NCAPG: variants seen among roughly 807,000 people sequenced by gnomAD.
NCAPG encodes non-SMC condensin I complex subunit G.
In NCAPG, 69 loss-of-function variants were observed where a neutral mutation model predicts 113.1. The observed-to-expected ratio is 0.61, with a 90% CI of 0.50 to 0.75. The LOEUF is 0.75. NCAPG is among the 30% of genes least tolerant of loss of function. The probability of loss-of-function intolerance (pLI) is 0.00; values close to 1 mark genes in which losing one functional copy is unlikely to be tolerated. For synonymous variants in NCAPG, 370 were observed against 415.8 expected (o/e 0.89, Z 1.34); for missense variants, 1,058 against 1,177.0 (o/e 0.90, Z 1.48).
In NCAPG at chr4:17,837,331, A is replaced by G; in HGVS notation, c.2282A>G (p.Tyr761Cys). The G allele has an allele frequency of 6.2e-7, 1 of 1,613,084 alleles. No homozygotes were observed. Among genetic ancestry groups the G allele is most frequent in the Non-Finnish European group, 8.5e-7 (1 of 1,179,560 alleles). The change falls in exon 15 of 21, where the codon TAT (tyrosine) becomes TGT (cysteine). Residue 761 changes from tyrosine to cysteine, a missense_variant. By Grantham distance (194) the Tyr-to-Cys change is radical (BLOSUM62 -2). Coordinates refer to ENST00000251496, the MANE Select transcript of NCAPG (RefSeq NM_022346.5). ...GGCGTGTTCTTCCCCGTGTTTGCTT[A>G]TGCAAGCAGGTATTGAGTCATACTG... ...CLGVFFPVFA[Y>C]ASRTNQECFE...
At chr4:17,842,752 G>A (rs114832458) in intron 20 of NCAPG, 1 of 178,318 alleles carries the variant, frequency 5.6e-6, no homozygotes, top group South Asian at 1.3e-4. Flanking sequence ...ATATTGTGTG[G>A]TAGAGTGTTT....
chr4:17,836,771 T>A (rs760718820), intron 14 of NCAPG, among the ~76,000 whole-genome samples: 1 of 152,210 alleles, frequency 6.6e-6, no homozygotes, highest in Non-Finnish European at 1.5e-5. Flanking sequence ...CTCCTACATA[T>A]GGAGCTTTTG....
chr4:17,817,830 G>T, intron 6 of NCAPG, 109 bp from the exon 7 acceptor site: 14 of 1,074,834 alleles, frequency 1.3e-5, no homozygotes, highest in Non-Finnish European at 1.7e-5. Flanking sequence ...TAATTAAAAG[G>T]ATAGTGTAGT....
intron 1 of NCAPG, 144 bp from the exon 2 acceptor site, chr4:17,812,077 G>A (rs1192870348): frequency 3.1e-6 from 2 of 644,346 alleles, no homozygotes; most frequent in Non-Finnish European, 5.2e-6. Flanking sequence ...CCCTTTGGCT[G>A]GTTTGGATAA....
chr4:17,840,512 T>C, intron 18 of NCAPG, 95 bp from the exon 19 acceptor site: 1 of 735,284 alleles, frequency 1.4e-6, no homozygotes, highest in Non-Finnish European at 2.0e-6. Context: ...AAGGACTTTG[T>C]CATTTCAGTT....
rs1336087366 is a variant in NCAPG at position 17,817,098 on chromosome 4, C to T, written c.776-163C>T. On this transcript the variant is annotated intron_variant, in intron 5 of 20. Coordinates refer to ENST00000251496, the MANE Select transcript of NCAPG (RefSeq NM_022346.5). ...ACTGCACTCCAGCCTGGTGACAGAG[C>T]GAGACTCTGTCTCAAAAAATATATA... 14 of 538,452 alleles carry T rather than the reference C, an allele frequency of 2.6e-5. No individual in the cohort carries two copies. The South Asian group carries it at 2.8e-4, about 11-fold the overall frequency. The allele number at this position is 538,452 out of a possible 1,614,324, so 33.4% of individuals were successfully genotyped here.
At chr4:17,825,078 A>G in intron 10 of NCAPG, 21 bp downstream of exon 10, 1 of 1,573,636 alleles carries the variant, frequency 6.4e-7, no homozygotes, top group South Asian at 1.1e-5. Flanking sequence ...TTTAAATGAA[A>G]GAAGTGCTTG....
In NCAPG at chr4:17,843,533, A is replaced by AT; in HGVS notation, c.*112dup. 2 of 1,294,974 alleles carry AT rather than the reference A, an allele frequency of 1.5e-6. No individual in the cohort carries two copies. 80.2% of individuals were successfully genotyped at this position (1,294,974 alleles called of 1,614,324 possible). A position where few individuals can be genotyped will look rare whatever the true frequency, so the allele number is the denominator to read the frequency against. ...GAACAAACCTGATGTCTTTCTGAAG[A>AT]TTTTCTGCTGTGCGCTTCCACGTTA... On this transcript the variant is annotated 3_prime_UTR_variant, in exon 21 of 21. Transcript: ENST00000251496.
Position 17,828,333 on chromosome 4 carries a change from A to G in NCAPG, c.1709A>G (p.Gln570Arg), listed in dbSNP as rs1360598590. Residue 570 changes from glutamine (Q) to arginine (R), a missense_variant, in exon 12 of 21, where the codon CAG becomes CGG. Physicochemically the swap from Gln to Arg is conservative, Grantham distance 43. Coordinates refer to ENST00000251496, the MANE Select transcript of NCAPG (RefSeq NM_022346.5). ...ATTTTATGCTATGAACTGTTGAAGC[A>G]GATGTCCATTTCAACAGGCTTAAGT... ...CLILCYELLK[Q>R]MSISTGLSAT... The G allele has an allele frequency of 1.2e-6, 2 of 1,609,882 alleles. No individual in the cohort carries two copies. Among genetic ancestry groups the G allele is most frequent in the Admixed American group, 3.4e-5 (2 of 59,592 alleles).
chr4:17,839,638 AT>A lies in NCAPG; in HGVS notation c.2467-37del, dbSNP rs577210328. On this transcript the variant is annotated intron_variant, in intron 16 of 20. Coordinates refer to ENST00000251496, the MANE Select transcript of NCAPG (RefSeq NM_022346.5). The stretch of plus-strand genomic sequence containing the variant: ...GTAAGACTATATAATAATCATAATC[AT>A]CTTCAATTTACAGAGAATTTTCTCT... 3.8e-5 allele frequency: 51 copies of A among 1,347,952 alleles called. No homozygotes were observed. In the African/African-American group the frequency reaches 7.6e-4, roughly 20 times the overall value. 83.5% of individuals were successfully genotyped at this position (1,347,952 alleles called of 1,614,324 possible). A position where few individuals can be genotyped will look rare whatever the true frequency, so the allele number is the denominator to read the frequency against.
intron 7 of NCAPG, 37 bp downstream of exon 7, chr4:17,818,125 G>A (rs1469223844): frequency 6.4e-7 from 1 of 1,560,314 alleles, no homozygotes. Context: ...GAGTGATTGT[G>A]TTGCTGCATG....
intron 10 of NCAPG, 86 bp from the exon 11 acceptor site, chr4:17,825,296 G>A (rs1721617170): frequency 1.6e-6 from 2 of 1,225,884 alleles, no homozygotes; most frequent in Middle Eastern, 2.9e-4. Context: ...GGGCAGTTGA[G>A]ATATTAAATA....
At chr4:17,834,244 G>A in intron 13 of NCAPG, 55 bp from the exon 14 acceptor site, 1 of 1,177,152 alleles carries the variant, frequency 8.5e-7, no homozygotes, top group Non-Finnish European at 1.2e-6. Flanking sequence ...TATGTAAACA[G>A]AAACAAAACA....
chr4:17,842,240 C>A, intron 19 of NCAPG, 70 bp from the exon 20 acceptor site: 1 of 1,316,046 alleles, frequency 7.6e-7, no homozygotes, highest in Non-Finnish European at 1.1e-6. Flanking sequence ...ATTTAGTTAG[C>A]CTAGAAACTA....
At chr4:17,838,167 A>G (rs1036097662) in intron 16 of NCAPG, among the ~76,000 whole-genome samples, 2 of 152,008 alleles carry the variant, frequency 1.3e-5, no homozygotes, top group African/African-American at 4.8e-5. Flanking sequence ...AAAGACTAGA[A>G]CTCACCTCAA....
In NCAPG at chr4:17,823,094, G is replaced by A; in HGVS notation, c.1230G>A (p.Lys410=). 6.2e-7 allele frequency: 1 copy of A among 1,609,364 alleles called. No individual in the cohort carries two copies. Among genetic ancestry groups the A allele is most frequent in the Non-Finnish European group, 8.5e-7 (1 of 1,178,376 alleles). Residue 410 remains lysine (K), a synonymous_variant, in exon 8 of 21, where the codon AAG becomes AAA. Transcript: ENST00000251496. ...GTCAACAATTGATTCTAATTATTAAGTCTTTGGATACCAGTGAAGAAGGAG... is the reference window on the plus strand; with the variant it reads ...GTCAACAATTGATTCTAATTATTAAATCTTTGGATACCAGTGAAGAAGGAG... The part of the protein sequence containing the change: ...FIGQQLILII[K]SLDTSEEGGR...
At position 17,814,857 on chromosome 4, in the gene NCAPG, T is replaced by C. The variant is rs1721134803; in HGVS notation, c.549T>C (p.Tyr183=). The change falls in exon 4 of 21, where the codon TAT becomes TAC. Residue 183 remains tyrosine, a synonymous_variant. Coordinates refer to ENST00000251496, the MANE Select transcript of NCAPG (RefSeq NM_022346.5). ...KDDECPVVNA[Y]ATLIENDSNP... Reference sequence around the variant, plus strand: ...AATGTATTGCTTTATTTTTAGCATATGCTACTTTGATTGAAAATGATTCAA... The same window carrying C: ...AATGTATTGCTTTATTTTTAGCATACGCTACTTTGATTGAAAATGATTCAA... 3.1e-6 allele frequency: 5 copies of C among 1,613,928 alleles called. No homozygotes were observed. The highest frequency in any genetic ancestry group is 4.2e-6 in the Non-Finnish European group (5 of 1,179,796).
chr4:17,817,809 A>G (rs767546230), intron 6 of NCAPG, 130 bp from the exon 7 acceptor site: 2 of 913,216 alleles, frequency 2.2e-6, no homozygotes, highest in Non-Finnish European at 3.1e-6. Flanking sequence ...GTGTGGATAC[A>G]TTAATGACTC....
At position 17,815,378 on chromosome 4, in the gene NCAPG, A is replaced by G; in HGVS notation, c.775+20A>G. The G allele has an allele frequency of 3.2e-6, 5 of 1,551,598 alleles. No individual in the cohort carries two copies. Among genetic ancestry groups the G allele is most frequent in the East Asian group, 2.3e-5 (1 of 43,554 alleles). On this transcript the variant is annotated intron_variant, in intron 5 of 20. Transcript: ENST00000251496. ...GATCAGGTAAGATAAACAACTTTATATATACAAAACTTTAGTAGATTTTGA... is the reference window on the plus strand; with the variant it reads ...GATCAGGTAAGATAAACAACTTTATGTATACAAAACTTTAGTAGATTTTGA...
Sources: gnomAD v4.1 joint callset for allele counts (sites outside exome capture counted in the v4.1 genomes callset) on GRCh38, gnomAD v4.1.1 for gene constraint, MANE v1.5 for transcripts, NCBI Gene and HGNC (gene_info 2026-07-23, HGNC 2026-07-21) for gene names.